Variants in FAM98C observed in about 807,000 individuals in gnomAD.
FAM98C encodes the protein protein FAM98C.
A neutral mutation model predicts 41.1 loss-of-function variants in FAM98C; 38 were observed. That is an observed-to-expected ratio of 0.92 (90% confidence interval 0.71 to 1.21). The LOEUF (loss-of-function observed/expected upper bound fraction) is 1.21, where lower values mean the gene tolerates loss of function less well. FAM98C is among the 50% of genes most tolerant of loss of function. The pLI, the probability that FAM98C is intolerant of heterozygous loss-of-function variation, is 0.00. For synonymous variants in FAM98C, 195 were observed against 216.7 expected (o/e 0.90, Z 0.88); for missense variants, 493 against 484.7 (o/e 1.02, Z -0.16).
rs1971000723 is a variant in FAM98C, at chr19:38,403,762, G to A, written c.349+68G>A. The A allele has an allele frequency of 3.7e-6, 5 of 1,348,982 alleles. No individual in the cohort carries two copies. The Admixed American group carries it at 2.0e-4, about 54-fold the overall frequency. The allele number at this position is 1,348,982 out of a possible 1,614,324, so 83.6% of individuals were successfully genotyped here. ...AGCGGCGGGCTCTGACTTTTTAGGG[G>A]AAATCGAGGTTCCCAAGGGGTGTGG... On this transcript the variant is annotated intron_variant, in intron 3 of 7. Transcript: ENST00000252530.
chr19:38,407,223 C>CT, intron 7 of FAM98C, 146 bp downstream of exon 7: 1 of 892,238 alleles, frequency 1.1e-6, no homozygotes, highest in Non-Finnish European at 1.7e-6. Flanking sequence ...CACACAAAAA[C>CT]TGACTGTGGA....
chr19:38,407,950 T>G (rs1971071199), intron 7 of FAM98C: 1 of 152,096 alleles, frequency 6.6e-6, no homozygotes, highest in African/African-American at 2.4e-5. Flanking sequence ...ATGGCACCAC[T>G]GCACTCCAGC....
chr19:38,405,317 T>C (rs1255974915), intron 4 of FAM98C, 27 bp from the exon 5 acceptor site: 1 of 1,610,968 alleles, frequency 6.2e-7, no homozygotes. Flanking sequence ...TCTGCCCCAG[T>C]TGGCCTCTGA....
At chr19:38,405,318 T>C (rs1291837170) in intron 4 of FAM98C, 26 bp from the exon 5 acceptor site, 1 of 1,611,100 alleles carries the variant, frequency 6.2e-7, no homozygotes, top group Admixed American at 1.7e-5. Context: ...CTGCCCCAGT[T>C]GGCCTCTGAC....
At chr19:38,408,617 C>A in intron 7 of FAM98C, 134 bp from the exon 8 acceptor site, 2 of 1,148,510 alleles carry the variant, frequency 1.7e-6, no homozygotes, top group Non-Finnish European at 1.3e-6. Flanking sequence ...TTCAGTCCCC[C>A]CTCCCCCAGC....
rs1234863954 is a variant in FAM98C, at chr19:38,407,558, A to G, written c.918+481A>G. 3 of 162,026 alleles carry G rather than the reference A, an allele frequency of 1.9e-5. No homozygotes were observed. In the East Asian group the frequency reaches 5.1e-4, roughly 28 times the overall value. The allele number at this position is 162,026 out of a possible 1,614,324, so 10.0% of individuals were successfully genotyped here. On this transcript the variant is annotated intron_variant, in intron 7 of 7. Coordinates refer to ENST00000252530, the MANE Select transcript of FAM98C (RefSeq NM_174905.4). ...GCTAATTTTTGTATCTTTAGTAGTG[A>G]CGGGGTTTCACCATATTGGTCAGGC...
intron 7 of FAM98C, 54 bp from the exon 8 acceptor site, chr19:38,408,697 C>G (rs1971089776): frequency 6.2e-7 from 1 of 1,613,086 alleles, no homozygotes; most frequent in African/African-American, 1.3e-5. Context: ...GCTCTCTGGC[C>G]CCCTTGTCCA....
In FAM98C at chr19:38,403,597, C is replaced by G. The variant is rs764740036; in HGVS notation, c.252C>G (p.Gly84=). The change falls in exon 3 of 8, where the codon GGC becomes GGG. Residue 84 remains glycine, a synonymous_variant. Transcript: ENST00000252530. The stretch of plus-strand genomic sequence containing the variant: ...AGGAGGACTTTCTGCGGCAGCTCGG[C>G]AGCCTGCTGCGGGAGCTGCACTGCC... ...GAEEDFLRQL[G]SLLRELHCPD... is the part of the protein sequence containing the mutation. 1.3e-6 allele frequency: 2 copies of G among 1,495,366 alleles called. No individual in the cohort carries two copies. Among genetic ancestry groups the G allele is most frequent in the Non-Finnish European group, 1.8e-6 (2 of 1,132,810 alleles). The allele number at this position is 1,495,366 out of a possible 1,614,324, so 92.6% of individuals were successfully genotyped here.
chr19:38,404,765 G>C, intron 3 of FAM98C, 143 bp from the exon 4 acceptor site: 1 of 843,646 alleles, frequency 1.2e-6, no homozygotes, highest in South Asian at 1.5e-5. Context: ...TCCTGACCTC[G>C]TGATCCGCCC....
At position 38,409,016 on chromosome 19, in the gene FAM98C, A is replaced by C. The variant is rs149162166; in HGVS notation, c.*134A>C. ...CCCATCTCCTATTCCTGAGTCCCCAAATGCCCTGCTCCCATTCACGTCAAT... is the reference window on the plus strand; with the variant it reads ...CCCATCTCCTATTCCTGAGTCCCCACATGCCCTGCTCCCATTCACGTCAAT... On this transcript the variant is annotated 3_prime_UTR_variant, in exon 8 of 8. Transcript: ENST00000252530. The C allele has an allele frequency of 5.5e-6, 5 of 901,380 alleles. No individual in the cohort carries two copies. Among genetic ancestry groups the C allele is most frequent in the South Asian group, 2.0e-5 (1 of 50,968 alleles). 55.8% of individuals were successfully genotyped at this position (901,380 alleles called of 1,614,324 possible). A position where few individuals can be genotyped will look rare whatever the true frequency, so the allele number is the denominator to read the frequency against.
rs1195735190 is a variant in FAM98C at position 38,404,926 on chromosome 19, T to A, written c.368T>A (p.Leu123His). The A allele has an allele frequency of 1.3e-5, 21 of 1,613,970 alleles. No homozygotes were observed. The highest frequency in any genetic ancestry group is 1.8e-5 in the Non-Finnish European group (21 of 1,180,010). Residue 123 changes from leucine (L) to histidine (H), a missense_variant, in exon 4 of 8, where the codon CTC (leucine) becomes CAC (histidine). Leu to His is a moderately conservative substitution (Grantham distance 99). Coordinates refer to ENST00000252530, the MANE Select transcript of FAM98C (RefSeq NM_174905.4). ...LRLLRFLCSE[L>H]QATRLLCLRS... ...CTTTCAGGCTTTCTCTGCTCAGAGC[T>A]CCAAGCCACCCGCCTCCTGTGCCTC... is the stretch of plus-strand genomic sequence containing the variant.
At chr19:38,408,478 G>A in intron 7 of FAM98C, 1 of 346,928 alleles carries the variant, frequency 2.9e-6, no homozygotes, top group South Asian at 2.8e-5. Context: ...AGAATCTCTT[G>A]AACCCGGTAG....
In FAM98C at chr19:38,408,848, A is replaced by C. The variant is rs1971097286; in HGVS notation, c.1016A>C (p.Gln339Pro). The C allele has an allele frequency of 6.3e-7, 1 of 1,592,934 alleles. No individual in the cohort carries two copies. Among genetic ancestry groups the C allele is most frequent in the African/African-American group, 1.4e-5 (1 of 72,950 alleles). Residue 339 changes from glutamine to proline, a missense_variant, in exon 8 of 8, where the codon CAG (glutamine) becomes CCG (proline). Coordinates refer to ENST00000252530, the MANE Select transcript of FAM98C (RefSeq NM_174905.4). The part of the protein sequence containing the change: ...WRSRREDGGP[Q>P]CWGRKKKKKK ...AGCCGAAGAGAGGATGGAGGCCCCC[A>C]GTGTTGGGGTCGCAAGAAGAAGAAG...
At position 38,403,680 on chromosome 19, in the gene FAM98C, G is replaced by T; in HGVS notation, c.335G>T (p.Gly112Val). The change falls in exon 3 of 8, where the codon GGA becomes GTA. Residue 112 changes from glycine to valine, a missense_variant. By Grantham distance (109) the Gly-to-Val change is moderately radical (BLOSUM62 -3). Coordinates refer to ENST00000252530, the MANE Select transcript of FAM98C (RefSeq NM_174905.4). Reference protein sequence around the residue: ...GAAALREPGAGLRLLRFLCSE... With the variant: ...GAAALREPGAVLRLLRFLCSE... ...GCTGCGCTTCGGGAACCCGGTGCCG[G>T]ACTGCGCCTGCTGCGTGAGTCCCGG... 1 of 1,414,300 alleles carries T rather than the reference G, an allele frequency of 7.1e-7. No homozygotes were observed. The highest frequency in any genetic ancestry group is 9.1e-7 in the Non-Finnish European group (1 of 1,094,040). 87.6% of individuals were successfully genotyped at this position (1,414,300 alleles called of 1,614,324 possible). A position where few individuals can be genotyped will look rare whatever the true frequency, so the allele number is the denominator to read the frequency against.
chr19:38,408,634 A>T, intron 7 of FAM98C, 117 bp from the exon 8 acceptor site: 2 of 1,338,894 alleles, frequency 1.5e-6, no homozygotes, highest in Non-Finnish European at 2.1e-6. Context: ...CAGCCACTGT[A>T]CTCAAATAGT....
At chr19:38,407,966 C>G (rs1397132704) in intron 7 of FAM98C, 3 of 152,024 alleles carry the variant, frequency 2.0e-5, no homozygotes, top group Non-Finnish European at 4.4e-5. Context: ...CCAGCCTGGG[C>G]GACAGAGCAA....
chr19:38,408,984 C>G lies in FAM98C; in HGVS notation c.*102C>G. The G allele has an allele frequency of 7.6e-7, 1 of 1,312,312 alleles. No individual in the cohort carries two copies. The highest frequency in any genetic ancestry group is 1.0e-6 in the Non-Finnish European group (1 of 979,504). 81.3% of individuals were successfully genotyped at this position (1,312,312 alleles called of 1,614,324 possible). A position where few individuals can be genotyped will look rare whatever the true frequency, so the allele number is the denominator to read the frequency against. ...AAGGCTTTCCTTGGTATTTGGCACC[C>G]AAGCCCCCCATCTCCTATTCCTGAG... is the stretch of plus-strand genomic sequence containing the variant. On this transcript the variant is annotated 3_prime_UTR_variant, in exon 8 of 8. Coordinates refer to ENST00000252530, the MANE Select transcript of FAM98C (RefSeq NM_174905.4).
In FAM98C at chr19:38,405,333, T is replaced by C; in HGVS notation, c.556-11T>C. The C allele has an allele frequency of 6.2e-7, 1 of 1,613,210 alleles. No homozygotes were observed. The highest frequency in any genetic ancestry group is 1.3e-5 in the African/African-American group (1 of 74,976). On this transcript the variant is annotated splice_polypyrimidine_tract_variant and intron_variant, in intron 4 of 7. Coordinates refer to ENST00000252530, the MANE Select transcript of FAM98C (RefSeq NM_174905.4). ...CTGCCCCAGTTGGCCTCTGACTTCT[T>C]CTCCCATCAGATCTCAGAGCTGCAG...
In FAM98C at chr19:38,403,574, G is replaced by T; in HGVS notation, c.229G>T (p.Glu77Ter). ...TGTCCTCGCAGGCCCTGGCGCGGAG[G>T]AGGACTTTCTGCGGCAGCTCGGCAG... ...LSAGDGPGAE[E>*]DFLRQLGSLL... is the part of the protein sequence containing the mutation. Residue 77 changes from glutamate to a stop codon, truncating the protein, a stop_gained, in exon 3 of 8, where the codon GAG becomes TAG. Transcript: ENST00000252530. LOFTEE classifies it high-confidence loss of function. The T allele has an allele frequency of 6.7e-7, 1 of 1,498,936 alleles. No individual in the cohort carries two copies. Among genetic ancestry groups the T allele is most frequent in the East Asian group, 2.8e-5 (1 of 35,696 alleles). 92.9% of individuals were successfully genotyped at this position (1,498,936 alleles called of 1,614,324 possible). A position where few individuals can be genotyped will look rare whatever the true frequency, so the allele number is the denominator to read the frequency against.
Sources: gnomAD v4.1 joint callset for allele counts on GRCh38, gnomAD v4.1.1 for gene constraint, MANE v1.5 for transcripts, NCBI Gene and HGNC (gene_info 2026-07-23, HGNC 2026-07-21) for gene names.